Variants in PDE1C observed in about 807,000 individuals in gnomAD.
PDE1C encodes phosphodiesterase 1C.
In PDE1C, 62 loss-of-function variants were observed where a neutral mutation model predicts 93.1. The observed-to-expected ratio is 0.67, with a 90% CI of 0.54 to 0.82. PDE1C has a LOEUF of 0.82. Among genes scored for constraint, PDE1C ranks in the 40% least tolerant of loss-of-function variants. The pLI, the probability that PDE1C is intolerant of heterozygous loss-of-function variation, is 0.00. For missense variants in PDE1C, 742 were observed against 884.6 expected, an observed-to-expected ratio of 0.84 and a Z score of 2.04; for synonymous variants, 325 against 310.1, an observed-to-expected ratio of 1.05 and a Z score of -0.50.
intron 2 of PDE1C, among the ~76,000 whole-genome samples, chr7:32,007,647 C>T (rs1786458153): frequency 6.6e-6 from 1 of 152,218 alleles, no homozygotes; most frequent in Admixed American, 6.5e-5. Context: ...AATGCCACTA[C>T]CACTGTCACT....
At chr7:32,077,602 G>T (rs180964627) in intron 3 of PDE1C, among the ~76,000 whole-genome samples, 1 of 150,802 alleles carries the variant, frequency 6.6e-6, no homozygotes, top group Non-Finnish European at 1.5e-5. Flanking sequence ...ACAGAGTTTC[G>T]CTCTTGTTGC....
chr7:32,217,277 G>A (rs1184610870), intron 1 of PDE1C, among the ~76,000 whole-genome samples: 1 of 152,170 alleles, frequency 6.6e-6, no homozygotes, highest in African/African-American at 2.4e-5. Flanking sequence ...TTTAACAGGT[G>A]AGGAAAGTGA....
chr7:32,232,684 A>G (rs961132045), intron 1 of PDE1C, among the ~76,000 whole-genome samples: 1 of 152,230 alleles, frequency 6.6e-6, no homozygotes, highest in African/African-American at 2.4e-5. Context: ...CTCATCTGTG[A>G]GCAGCACACA....
intron 2 of PDE1C, among the ~76,000 whole-genome samples, chr7:31,884,680 T>A (rs1205464152): frequency 6.6e-6 from 1 of 152,186 alleles, no homozygotes; most frequent in Non-Finnish European, 1.5e-5. Flanking sequence ...CACCTTTCTC[T>A]AGCTCTTTAT....
At chr7:32,104,184 A>G (rs1415627476) in intron 3 of PDE1C, among the ~76,000 whole-genome samples, 2 of 152,220 alleles carry the variant, frequency 1.3e-5, no homozygotes, top group East Asian at 1.9e-4. Flanking sequence ...GGGTCCTCAC[A>G]CTGCCCAGTG....
intron 2 of PDE1C, among the ~76,000 whole-genome samples, chr7:31,902,131 C>A (rs1329959260): frequency 6.6e-6 from 1 of 151,514 alleles, no homozygotes; most frequent in East Asian, 1.9e-4. Context: ...AAACTAATAA[C>A]AACTTATAAT....
intron 11 of PDE1C, among the ~76,000 whole-genome samples, chr7:31,829,056 T>C (rs1446207427): frequency 6.6e-6 from 1 of 152,144 alleles, no homozygotes; most frequent in African/African-American, 2.4e-5. Context: ...TTCTAAAAAC[T>C]TGGGCCAGAG....
the PDE1C span, among the ~76,000 whole-genome samples, chr7:31,646,087 A>T: frequency 6.6e-6 from 1 of 152,202 alleles, no homozygotes; most frequent in African/African-American, 2.4e-5. Flanking sequence ...TCCCGAAAAA[A>T]GATTATTTTT....
chr7:32,300,064 C>G (rs1223892140), upstream of PDE1C, among the ~76,000 whole-genome samples: 4 of 152,234 alleles, frequency 2.6e-5, no homozygotes, highest in South Asian at 2.1e-4. Flanking sequence ...CTCCACATAT[C>G]TTCAGAATCT....
intron 1 of PDE1C, among the ~76,000 whole-genome samples, chr7:32,305,992 T>C (rs1035853016): frequency 1.8e-4 from 27 of 152,198 alleles, no homozygotes; most frequent in African/African-American, 6.5e-4. Flanking sequence ...TGGGAGATAA[T>C]TGAATCATAG....
chr7:31,723,868 C>T, the PDE1C span, among the ~76,000 whole-genome samples: 4 of 152,308 alleles, frequency 2.6e-5, no homozygotes, highest in East Asian at 3.9e-4. Flanking sequence ...CAAATACATA[C>T]ACGCAAATCC....
chr7:32,208,109 C>T (rs1369536982), intron 2 of PDE1C, among the ~76,000 whole-genome samples: 1 of 152,212 alleles, frequency 6.6e-6, no homozygotes, highest in Non-Finnish European at 1.5e-5. Context: ...TGTTTTATTA[C>T]ACAATTTCTA....
rs563304141 is a variant in PDE1C at position 31,816,261 on chromosome 7, A to G, written c.1583-107T>C. ...CAAAGAGTATCTAAGGTGTTTACTG[A>G]GTGTTTGGGTACATTTTTGCTTAAT... On this transcript the variant is annotated intron_variant, in intron 14 of 17. Transcript: ENST00000396191. 18 of 1,007,172 alleles carry G rather than the reference A, an allele frequency of 1.8e-5. No individual in the cohort carries two copies. In the African/African-American group the frequency reaches 2.9e-4, roughly 16 times the overall value. 62.4% of individuals were successfully genotyped at this position (1,007,172 alleles called of 1,614,324 possible). A position where few individuals can be genotyped will look rare whatever the true frequency, so the allele number is the denominator to read the frequency against.
chr7:31,889,480 G>A (rs77884509), intron 2 of PDE1C, among the ~76,000 whole-genome samples: 149 of 152,258 alleles, frequency 9.8e-4, no homozygotes, highest in African/African-American at 3.4e-3. Flanking sequence ...CCCACTCTTT[G>A]GATACCCAGT....
intron 2 of PDE1C, among the ~76,000 whole-genome samples, chr7:31,955,651 C>T (rs1808025795): frequency 6.6e-6 from 1 of 152,122 alleles, no homozygotes; most frequent in Admixed American, 6.5e-5. Context: ...GAACATTTAA[C>T]TCATGGAAGT....
intron 2 of PDE1C, among the ~76,000 whole-genome samples, chr7:32,032,388 C>T (rs1005947913): frequency 2.0e-5 from 3 of 152,146 alleles, no homozygotes; most frequent in Admixed American, 6.5e-5. Flanking sequence ...TCCTCACACC[C>T]GTAGAGTGTC....
intron 1 of PDE1C, among the ~76,000 whole-genome samples, chr7:32,287,442 T>G (rs1192556723): frequency 6.6e-6 from 1 of 152,200 alleles, no homozygotes; most frequent in Non-Finnish European, 1.5e-5. Flanking sequence ...TAGATACCCC[T>G]GCTGGGCATG....
chr7:32,147,336 C>T (rs1800958387), intron 3 of PDE1C, among the ~76,000 whole-genome samples: 2 of 114,140 alleles, frequency 1.8e-5, no homozygotes, highest in South Asian at 6.4e-4. Flanking sequence ...AAGAAAGACG[C>T]TGTTTGTAGG....
At chr7:32,419,082 C>T (rs970514125) in intron 1 of PDE1C, among the ~76,000 whole-genome samples, 1 of 152,074 alleles carries the variant, frequency 6.6e-6, no homozygotes, top group African/African-American at 2.4e-5. Flanking sequence ...AATTAACAAA[C>T]TAAAATTAAT....
Sources: gnomAD v4.1 joint callset for allele counts (sites outside exome capture counted in the v4.1 genomes callset) on GRCh38, gnomAD v4.1.1 for gene constraint, MANE v1.5 for transcripts, NCBI Gene and HGNC (gene_info 2026-07-23, HGNC 2026-07-21) for gene names.